The following NCOR1 variants were observed in gnomAD, a reference collection of about 807,000 sequenced individuals.
NCOR1 encodes nuclear receptor corepressor 1.
A neutral mutation model predicts 288.1 loss-of-function variants in NCOR1; 63 were observed. That is an observed-to-expected ratio of 0.22 (90% CI 0.18 to 0.27). NCOR1 has a LOEUF of 0.27. NCOR1 is among the 10% of genes least tolerant of loss of function. The pLI is 1.00. For missense variants in NCOR1, 2,397 were observed against 3,019.2 expected, an observed-to-expected ratio of 0.79 and a Z score of 4.83; for synonymous variants, 1,007 against 1,065.9, an observed-to-expected ratio of 0.94 and a Z score of 1.08.
At chr17:16,113,958 T>C (rs1598819047) in intron 18 of NCOR1, among the ~76,000 whole-genome samples, 1 of 151,890 alleles carries the variant, frequency 6.6e-6, no homozygotes, top group African/African-American at 2.4e-5. Context: ...AAAAACATTA[T>C]CAATCTTTTA....
At chr17:16,176,252 T>C (rs2084161217) in intron 3 of NCOR1, among the ~76,000 whole-genome samples, 1 of 152,050 alleles carries the variant, frequency 6.6e-6, no homozygotes, top group Non-Finnish European at 1.5e-5. Flanking sequence ...AGAAATTCTT[T>C]CAGGTTTTTT....
In NCOR1 at chr17:16,101,609, A is replaced by G; in HGVS notation, c.2331T>C (p.Asp777=). The G allele has an allele frequency of 6.2e-7, 1 of 1,614,036 alleles. No homozygotes were observed. Among genetic ancestry groups the G allele is most frequent in the Non-Finnish European group, 8.5e-7 (1 of 1,180,024 alleles). Residue 777 remains aspartate, a synonymous_variant, in exon 20 of 46, where the codon GAT becomes GAC. Transcript: ENST00000268712. ...CATTCACCTGGGTCTCCACACTTTCATCTTCAGCTGGTTTTGTACTTGGAA... is the reference window on the plus strand; with the variant it reads ...CATTCACCTGGGTCTCCACACTTTCGTCTTCAGCTGGTTTTGTACTTGGAA... ...LAVPSTKPAE[D]ESVETQVNDS... is the part of the protein sequence containing the mutation.
chr17:16,086,521 G>A, intron 22 of NCOR1, 79 bp from the exon 23 acceptor site: 1 of 1,281,344 alleles, frequency 7.8e-7, no homozygotes, highest in South Asian at 1.5e-5. Flanking sequence ...AGTCATTCCT[G>A]AATTTTTAAA....
chr17:16,087,066 C>A, intron 22 of NCOR1: 1 of 825,572 alleles, frequency 1.2e-6, no homozygotes, highest in Admixed American at 3.2e-5. Context: ...TCTGAAACAG[C>A]AAGGACACGT....
At chr17:16,179,612 A>G (rs2084950360) in intron 3 of NCOR1, among the ~76,000 whole-genome samples, 1 of 152,250 alleles carries the variant, frequency 6.6e-6, no homozygotes, top group African/African-American at 2.4e-5. Flanking sequence ...TTCCCAACAC[A>G]TTATATGAGA....
chr17:16,153,429 A>T (rs1397522421), intron 6 of NCOR1, 34 bp from the exon 7 acceptor site: 1 of 1,373,204 alleles, frequency 7.3e-7, no homozygotes, highest in Admixed American at 2.1e-5. Flanking sequence ...TCATATAATT[A>T]AAAATTACAT....
chr17:16,045,529 G>A (rs2058519532), intron 42 of NCOR1, among the ~76,000 whole-genome samples: 1 of 151,976 alleles, frequency 6.6e-6, no homozygotes, highest in African/African-American at 2.4e-5. Flanking sequence ...TATTTTTTGA[G>A]ACAGAGACTC....
chr17:16,075,405 T>A (rs2062316832), intron 27 of NCOR1, 129 bp downstream of exon 27: 1 of 1,011,522 alleles, frequency 9.9e-7, no homozygotes, highest in Non-Finnish European at 1.5e-6. Context: ...CTAACCCCAT[T>A]TACTGAGAGA....
At chr17:16,138,258 A>T in intron 12 of NCOR1, 46 bp from the exon 13 acceptor site, 2 of 1,502,172 alleles carry the variant, frequency 1.3e-6, no homozygotes, top group Non-Finnish European at 1.8e-6. Context: ...CAAATATTTC[A>T]ACAACTAAAA....
intron 4 of NCOR1, among the ~76,000 whole-genome samples, chr17:16,166,490 C>A (rs983791888): frequency 1.3e-5 from 2 of 152,200 alleles, no homozygotes; most frequent in Non-Finnish European, 2.9e-5. Context: ...ACCAGCCTAA[C>A]CAACATGGTG....
chr17:16,160,203 T>C (rs146299176), intron 5 of NCOR1, among the ~76,000 whole-genome samples: 29 of 152,290 alleles, frequency 1.9e-4, no homozygotes, highest in African/African-American at 6.5e-4. Context: ...CTACCTATCA[T>C]ACAGCTTTTT....
In NCOR1 at chr17:16,127,370, T is replaced by C. The variant is rs1325202466; in HGVS notation, c.1510-1164A>G. ...GTATATATGTATGTATATATACATG[T>C]ATGTATATATGTATGTATATATACA... On this transcript the variant is annotated intron_variant, in intron 14 of 45. Transcript: ENST00000268712. Among the ~76,000 whole-genome samples the C allele has an allele frequency of 7.3e-5, 6 of 82,296 alleles. 2 individuals carry two copies. The East Asian group carries it at 1.6e-3, about 21-fold the overall frequency. 54.0% of individuals were successfully genotyped at this position (82,296 alleles called of 152,430 possible). A position where few individuals can be genotyped will look rare whatever the true frequency, so the allele number is the denominator to read the frequency against.
chr17:16,168,863 C>T (rs200670083), intron 4 of NCOR1, among the ~76,000 whole-genome samples: 4 of 150,820 alleles, frequency 2.7e-5, no homozygotes, highest in East Asian at 2.0e-4. Context: ...CCCAGCTACT[C>T]GGGAGGCTGA....
At chr17:16,151,806 T>A in intron 8 of NCOR1, 140 bp downstream of exon 8, 2 of 917,582 alleles carry the variant, frequency 2.2e-6, no homozygotes, top group East Asian at 5.1e-5. Context: ...GAAGATAACA[T>A]ATAATAAAAC....
At chr17:16,063,380 ACCATGTTGCTGAGGCTGGTC>A (rs2060753287) in intron 35 of NCOR1, among the ~76,000 whole-genome samples, 1 of 152,084 alleles carries the variant, frequency 6.6e-6, no homozygotes, top group African/African-American at 2.4e-5. Context: ...ACAGGGTCTC[ACCATGTTGCTGAGGCTGGTC>A]TTGAATTCCT....
intron 21 of NCOR1, among the ~76,000 whole-genome samples, chr17:16,097,492 T>C (rs776103288): frequency 3.9e-4 from 60 of 152,186 alleles, no homozygotes; most frequent in Non-Finnish European, 4.9e-4. Flanking sequence ...AATGATTTAA[T>C]CATTCATACC....
intron 42 of NCOR1, among the ~76,000 whole-genome samples, chr17:16,042,249 T>C (rs2057849488): frequency 6.6e-6 from 1 of 152,134 alleles, no homozygotes. Context: ...GGTAAATAAA[T>C]TGAGCCTGAA....
At chr17:16,137,488 GA>G in intron 13 of NCOR1, 76 bp from the exon 14 acceptor site, 2 of 720,172 alleles carry the variant, frequency 2.8e-6, no homozygotes, top group Non-Finnish European at 4.3e-6. Flanking sequence ...TACTTCCAAG[GA>G]AAATCTCTGG....
At position 16,062,536 on chromosome 17, in the gene NCOR1, A is replaced by T. The variant is rs1459358832; in HGVS notation, c.5222-266T>A. Among the ~76,000 whole-genome samples the T allele has an allele frequency of 3.9e-5, 6 of 152,236 alleles. No homozygotes were observed. The East Asian group carries it at 1.2e-3, about 29-fold the overall frequency. On this transcript the variant is annotated intron_variant, in intron 35 of 45. Coordinates refer to ENST00000268712, the MANE Select transcript of NCOR1 (RefSeq NM_006311.4). ...CATTTCCATTTCTCTGATAAATTTC[A>T]ATCTTGATTCCATAAATAAAACAGC...
Sources: gnomAD v4.1 joint callset for allele counts (sites outside exome capture counted in the v4.1 genomes callset) on GRCh38, gnomAD v4.1.1 for gene constraint, MANE v1.5 for transcripts, NCBI Gene and HGNC (gene_info 2026-07-23, HGNC 2026-07-21) for gene names.